Variants in RUFY1 observed in about 807,000 individuals in gnomAD.
RUFY1 encodes the protein RUN and FYVE domain-containing protein 1.
A neutral mutation model predicts 94.6 loss-of-function variants in RUFY1; 54 were observed. The ratio of observed to expected loss-of-function variants is 0.57; its 90% CI spans 0.46 to 0.72. RUFY1 has a LOEUF of 0.72. Among genes scored for constraint, RUFY1 ranks in the 30% least tolerant of loss-of-function variants. RUFY1 has a pLI of 0.00. For missense variants in RUFY1, 883 were observed against 883.9 expected, an observed-to-expected ratio of 1.00 and a Z score of 0.01; for synonymous variants, 396 against 347.3, an observed-to-expected ratio of 1.14 and a Z score of -1.56.
chr5:179,596,878 G>A (rs990698275), intron 13 of RUFY1, 197 bp downstream of exon 13: 15 of 647,410 alleles, frequency 2.3e-5, no homozygotes, highest in South Asian at 1.8e-4. Flanking sequence ...GGCTCCTCAC[G>A]TGGTCCAGCT....
At chr5:179,596,151 A>G (rs1179302903) in intron 12 of RUFY1, 2 of 281,878 alleles carry the variant, frequency 7.1e-6, no homozygotes, top group African/African-American at 4.6e-5. Flanking sequence ...AGTATGACTC[A>G]GCCGTAGAAA....
intron 1 of RUFY1, among the ~76,000 whole-genome samples, chr5:179,559,284 G>A (rs1308174683): frequency 6.6e-6 from 1 of 152,184 alleles, no homozygotes. Context: ...CACCCTCAAG[G>A]CAATGCGACA....
At chr5:179,593,822 A>G (rs1765306394) in intron 11 of RUFY1, among the ~76,000 whole-genome samples, 177 bp downstream of exon 11, 1 of 152,184 alleles carries the variant, frequency 6.6e-6, no homozygotes, top group South Asian at 2.1e-4. Context: ...ATGGGGGGAA[A>G]TGTAAGTGAC....
intron 5 of RUFY1, among the ~76,000 whole-genome samples, chr5:179,574,651 A>C (rs950074180): frequency 1.3e-5 from 2 of 151,990 alleles, no homozygotes; most frequent in Non-Finnish European, 2.9e-5. Flanking sequence ...TTTAGAAACC[A>C]TTTCATTCAG....
At chr5:179,581,811 A>G (rs1467190318) in intron 7 of RUFY1, among the ~76,000 whole-genome samples, 1 of 151,842 alleles carries the variant, frequency 6.6e-6, no homozygotes, top group Non-Finnish European at 1.5e-5. Flanking sequence ...CAGCCTCCTA[A>G]GTAGCTGGGA....
intron 16 of RUFY1, 172 bp downstream of exon 16, chr5:179,606,096 C>T (rs1767055599): frequency 8.3e-6 from 5 of 599,502 alleles, no homozygotes; most frequent in South Asian, 2.1e-5. Context: ...CGGCTGAGGG[C>T]GATGCTGACA....
intron 12 of RUFY1, 82 bp downstream of exon 12, chr5:179,595,045 C>CCCTGCACTTTGG: frequency 9.5e-7 from 1 of 1,051,898 alleles, no homozygotes; most frequent in Non-Finnish European, 1.4e-6. Context: ...AGTCCCTCTC[C>CCCTGCACTTTGG]AAAGTGCAGG....
At chr5:179,560,594 C>T (rs937886183) in intron 2 of RUFY1, among the ~76,000 whole-genome samples, 55 of 150,410 alleles carry the variant, frequency 3.7e-4, no homozygotes, top group Admixed American at 9.2e-4. Flanking sequence ...GGCGTGGTAG[C>T]GGGCGCCTGT....
chr5:179,550,884 G>A lies in RUFY1; in HGVS notation c.310+5G>A, dbSNP rs959992635. 5 of 1,152,816 alleles carry A rather than the reference G, an allele frequency of 4.3e-6. No homozygotes were observed. Among genetic ancestry groups the A allele is most frequent in the African/African-American group, 1.6e-5 (1 of 60,910 alleles). 71.4% of individuals were successfully genotyped at this position (1,152,816 alleles called of 1,614,324 possible). ...GGGACGGCACGGCGCGCGCAGGTAG[G>A]CTCGGGCCGGGTCTGTCCCGCGGCG... On this transcript the variant is annotated splice_donor_5th_base_variant and intron_variant, in intron 1 of 17. Transcript: ENST00000319449.
chr5:179,602,058 A>C, intron 15 of RUFY1, 72 bp downstream of exon 15: 2 of 1,249,298 alleles, frequency 1.6e-6, no homozygotes, highest in African/African-American at 1.5e-5. Flanking sequence ...CAGGCCCCAA[A>C]CCTACCTCCT....
Position 179,609,792 on chromosome 5 carries a change from TTTTTCAC to T in RUFY1, c.*280_*286del, listed in dbSNP as rs1767545649. Reference sequence around the variant, plus strand: ...CAACTTCATGATTTTGCTACTATCATTTTTCACTTTTCAAAGAATTTAACCTATTTTA... The same window carrying T: ...CAACTTCATGATTTTGCTACTATCATTTTTCAAAGAATTTAACCTATTTTA... On this transcript the variant is annotated 3_prime_UTR_variant, in exon 18 of 18. Transcript: ENST00000319449. 2.7e-6 allele frequency: 1 copy of T among 367,260 alleles called. No homozygotes were observed. Among genetic ancestry groups the T allele is most frequent in the African/African-American group, 2.1e-5 (1 of 47,820 alleles). The allele number at this position is 367,260 out of a possible 1,614,324, so 22.8% of individuals were successfully genotyped here.
intron 10 of RUFY1, among the ~76,000 whole-genome samples, chr5:179,593,225 A>G (rs1363225491): frequency 1.3e-5 from 2 of 152,098 alleles, no homozygotes; most frequent in Admixed American, 6.6e-5. Flanking sequence ...TTACAGGCGC[A>G]TGCCACCACA....
At chr5:179,579,113 C>T (rs1451129109) in intron 6 of RUFY1, among the ~76,000 whole-genome samples, 1 of 152,108 alleles carries the variant, frequency 6.6e-6, no homozygotes, top group African/African-American at 2.4e-5. Flanking sequence ...GAATATTTCA[C>T]CTTGCGCATA....
chr5:179,586,286 C>T (rs1402132515), intron 8 of RUFY1: 10 of 458,914 alleles, frequency 2.2e-5, no homozygotes, highest in Admixed American at 1.4e-4. Flanking sequence ...CAGGAGCATG[C>T]AACCAGCCTC....
At position 179,589,628 on chromosome 5, in the gene RUFY1, G is replaced by C; in HGVS notation, c.1109G>C (p.Arg370Thr). Residue 370 changes from arginine (R) to threonine (T), a missense_variant, in exon 9 of 18, where the codon AGA (arginine) becomes ACA (threonine). Coordinates refer to ENST00000319449, the MANE Select transcript of RUFY1 (RefSeq NM_025158.5). ...LREQNELIRE[R>T]SEKSVEITKQ... ...GAACAAAATGAATTAATTCGAGAAA[G>C]AAGTGAAAAGAGTGTAGAGGTGAGA... is the stretch of plus-strand genomic sequence containing the variant. 6.2e-7 allele frequency: 1 copy of C among 1,613,304 alleles called. No homozygotes were observed. Among genetic ancestry groups the C allele is most frequent in the Non-Finnish European group, 8.5e-7 (1 of 1,179,228 alleles).
In RUFY1 at chr5:179,587,536, C is replaced by T. The variant is rs374310053; in HGVS notation, c.1026+1671C>T. ...CCTCCCGAGTAGCTGGGACTACAGG[C>T]GCCCGCCACCACGCCCGGCTAAATT... On this transcript the variant is annotated intron_variant, in intron 8 of 17. Coordinates refer to ENST00000319449, the MANE Select transcript of RUFY1 (RefSeq NM_025158.5). Among the ~76,000 whole-genome samples, 279 of 146,476 alleles carry T rather than the reference C, an allele frequency of 1.9e-3. 1 individual carries two copies. The highest frequency in any genetic ancestry group is 0.019 in the East Asian group (91 of 4,866).
intron 13 of RUFY1, among the ~76,000 whole-genome samples, chr5:179,597,513 G>A (rs1402196983): frequency 1.3e-5 from 2 of 152,002 alleles, no homozygotes; most frequent in African/African-American, 4.8e-5. Flanking sequence ...TGGGATTACA[G>A]GCGTGAGCCA....
At position 179,593,562 on chromosome 5, in the gene RUFY1, GAGA is replaced by G. The variant is rs751756828; in HGVS notation, c.1333_1335del (p.Lys445del). 6.2e-7 allele frequency: 1 copy of G among 1,614,110 alleles called. No individual in the cohort carries two copies. The highest frequency in any genetic ancestry group is 1.1e-5 in the South Asian group (1 of 91,076). ...GAAGTTACTGGAAAAGGACACCCACGAGAAGCAGGACACACTAGTTGCCCTCCG... is the reference window on the plus strand; with the variant it reads ...GAAGTTACTGGAAAAGGACACCCACGAGCAGGACACACTAGTTGCCCTCCG... On this transcript the variant is annotated inframe_deletion, in exon 11 of 18. Transcript: ENST00000319449.
chr5:179,593,704 G>A, intron 11 of RUFY1, 59 bp downstream of exon 11: 1 of 1,572,716 alleles, frequency 6.4e-7, no homozygotes, highest in Non-Finnish European at 8.6e-7. Flanking sequence ...CCAGTCTTGT[G>A]TCATTCTTCT....
Sources: allele counts gnomAD v4.1 joint callset (sites outside exome capture counted in the v4.1 genomes callset), GRCh38; gene constraint gnomAD v4.1.1; transcripts MANE v1.5; gene names NCBI Gene and HGNC (gene_info 2026-07-23, HGNC 2026-07-21).